The following FAM171A1 variants were observed in gnomAD, a reference collection of about 807,000 sequenced individuals.
FAM171A1 encodes the protein protein FAM171A1.
Under a neutral mutation model 74.9 loss-of-function variants are expected in FAM171A1, and 23 were observed. The observed-to-expected ratio is 0.31, with a 90% CI of 0.22 to 0.44. The LOEUF (loss-of-function observed/expected upper bound fraction) is 0.44. FAM171A1 is among the 20% of genes least tolerant of loss of function. The pLI is 1.00. For synonymous variants in FAM171A1, 527 were observed against 505.7 expected, an observed-to-expected ratio of 1.04 and a Z score of -0.57; for missense variants, 1,162 against 1,159.2, an observed-to-expected ratio of 1.00 and a Z score of -0.03.
At chr10:15,330,253 C>T (rs1346940956) in intron 1 of FAM171A1, among the ~76,000 whole-genome samples, 1 of 152,130 alleles carries the variant, frequency 6.6e-6, no homozygotes, top group Non-Finnish European at 1.5e-5. Context: ...GCAGGAGAAT[C>T]GCCTGAACCC....
chr10:15,354,153 C>A (rs946813656), intron 1 of FAM171A1, among the ~76,000 whole-genome samples: 1 of 152,120 alleles, frequency 6.6e-6, no homozygotes, highest in Non-Finnish European at 1.5e-5. Context: ...CATGCTTGCA[C>A]TCCAGATCCC....
At position 15,214,273 on chromosome 10, in the gene FAM171A1, T is replaced by C. The variant is rs770076811; in HGVS notation, c.1315A>G (p.Lys439Glu). 9 of 1,613,886 alleles carry C rather than the reference T, an allele frequency of 5.6e-6. No homozygotes were observed. Among genetic ancestry groups the C allele is most frequent in the Non-Finnish European group, 6.8e-6 (8 of 1,180,002 alleles). The change falls in exon 8 of 8, where the codon AAA (lysine) becomes GAA (glutamate). Residue 439 changes from lysine to glutamate, a missense_variant. Physicochemically the swap from Lys to Glu is moderately conservative, Grantham distance 56 (BLOSUM62 1). Transcript: ENST00000378116. ...AGGTTATCAAAGGAGATCTGGCTTTTATCCTCTTCCTTGCAAGAGAGGAGC... is the reference window on the plus strand; with the variant it reads ...AGGTTATCAAAGGAGATCTGGCTTTCATCCTCTTCCTTGCAAGAGAGGAGC... The part of the protein sequence containing the change: ...EELLSCKEED[K>E]SQISFDNLTP...
chr10:15,248,647 T>C lies in FAM171A1; in HGVS notation c.746A>G (p.Gln249Arg). 1 of 1,603,502 alleles carries C rather than the reference T, an allele frequency of 6.2e-7. No individual in the cohort carries two copies. The highest frequency in any genetic ancestry group is 8.5e-7 in the Non-Finnish European group (1 of 1,174,868). ...ACAGAACTCTTGCTTACCCAGCTTC[T>C]GGTCAAACCGCCACGCCGCGACATA... ...NAYVAAWRFD[Q>R]KLGTWLKSGL... The change falls in exon 5 of 8, where the codon CAG becomes CGG. Residue 249 changes from glutamine to arginine, a missense_variant. By Grantham distance (43) the Gln-to-Arg change is conservative (BLOSUM62 1). Transcript: ENST00000378116.
At chr10:15,216,708 T>C (rs930534524) in intron 6 of FAM171A1, among the ~76,000 whole-genome samples, 2 of 151,980 alleles carry the variant, frequency 1.3e-5, no homozygotes, top group African/African-American at 4.8e-5. Context: ...GCTGGGATTA[T>C]AGGCATGAGC....
chr10:15,296,914 A>G (rs569829466), intron 1 of FAM171A1, among the ~76,000 whole-genome samples: 1 of 152,076 alleles, frequency 6.6e-6, no homozygotes, highest in African/African-American at 2.4e-5. Flanking sequence ...CTTATGTTAA[A>G]CCTCGTGAAA....
intron 1 of FAM171A1, among the ~76,000 whole-genome samples, chr10:15,326,906 G>A (rs192396112): frequency 6.1e-4 from 93 of 152,272 alleles, no homozygotes; most frequent in African/African-American, 1.9e-3. Flanking sequence ...GGGATTACAG[G>A]CGTGGCCCAC....
chr10:15,283,812 T>C (rs775793854), intron 2 of FAM171A1, 66 bp downstream of exon 2: 1 of 1,522,878 alleles, frequency 6.6e-7, no homozygotes, highest in Non-Finnish European at 9.1e-7. Flanking sequence ...TTCAGACTCC[T>C]GGCCTTATGC....
chr10:15,230,414 G>C (rs1169256970), intron 5 of FAM171A1, among the ~76,000 whole-genome samples: 1 of 152,206 alleles, frequency 6.6e-6, no homozygotes, highest in African/African-American at 2.4e-5. Context: ...CAAAAGTTAT[G>C]TGCAGATGGT....
At chr10:15,324,774 A>G (rs1338451978) in intron 1 of FAM171A1, among the ~76,000 whole-genome samples, 1 of 152,220 alleles carries the variant, frequency 6.6e-6, no homozygotes, top group African/African-American at 2.4e-5. Context: ...CAAAAAAACC[A>G]AACCAACTCC....
At chr10:15,304,584 A>C (rs1037620103) in intron 1 of FAM171A1, among the ~76,000 whole-genome samples, 2 of 152,056 alleles carry the variant, frequency 1.3e-5, no homozygotes, top group African/African-American at 2.4e-5. Flanking sequence ...AAAAACCTCA[A>C]TAAAGGGTCC....
intron 5 of FAM171A1, among the ~76,000 whole-genome samples, chr10:15,229,618 T>C (rs1256446627): frequency 8.7e-6 from 1 of 114,690 alleles, no homozygotes; most frequent in Non-Finnish European, 1.9e-5. Flanking sequence ...ATCATCACCA[T>C]TGTCACCCCC....
In FAM171A1 at chr10:15,255,145, T is replaced by A. The variant is rs563683116; in HGVS notation, c.419-266A>T. Among the ~76,000 whole-genome samples, 98 of 152,352 alleles carry A rather than the reference T, an allele frequency of 6.4e-4. 1 individual carries two copies. The highest frequency in any genetic ancestry group is 1.4e-3 in the South Asian group (7 of 4,832). On this transcript the variant is annotated intron_variant, in intron 3 of 7. Coordinates refer to ENST00000378116, the MANE Select transcript of FAM171A1 (RefSeq NM_001010924.2). ...CAAAAAGCTTTTTCCAAGTTCCATG[T>A]GCAAGCAGTCTTGTCACTGCCCAGC... is the stretch of plus-strand genomic sequence containing the variant.
rs1273234553 is a variant in FAM171A1 at position 15,242,816 on chromosome 10, T to C, written c.754+5823A>G. On this transcript the variant is annotated intron_variant, in intron 5 of 7. Transcript: ENST00000378116. ...AAAAAAAAAAGGAAGCGGAAATAGG[T>C]CAACTTCACAATGAAGATTCCCAAT... Among the ~76,000 whole-genome samples the C allele has an allele frequency of 2.0e-5, 3 of 151,944 alleles. No homozygotes were observed. The East Asian group carries it at 5.8e-4, about 29-fold the overall frequency.
chr10:15,365,780 AG>A (rs1169963609), intron 1 of FAM171A1, among the ~76,000 whole-genome samples: 15 of 136,288 alleles, frequency 1.1e-4, no homozygotes, highest in African/African-American at 4.3e-4. Flanking sequence ...AAAAAAAAAA[AG>A]AGAGAGAAAT....
chr10:15,267,601 C>CAAAAAAAAAA (rs71390026), intron 3 of FAM171A1, among the ~76,000 whole-genome samples: 1 of 53,344 alleles, frequency 1.9e-5, no homozygotes, highest in Non-Finnish European at 3.0e-5. Context: ...GACACCATCG[C>CAAAAAAAAAA]AAAAAAAAAA....
chr10:15,292,821 C>A (rs4472833), intron 1 of FAM171A1, among the ~76,000 whole-genome samples: 1 of 152,132 alleles, frequency 6.6e-6, no homozygotes, highest in Non-Finnish European at 1.5e-5. Context: ...ATAAGGATTT[C>A]TTTTAAACCA....
chr10:15,269,480 G>A (rs549471642), intron 3 of FAM171A1, among the ~76,000 whole-genome samples: 1 of 152,116 alleles, frequency 6.6e-6, no homozygotes, highest in Non-Finnish European at 1.5e-5. Flanking sequence ...CACAAGCATT[G>A]TCAATTCTAA....
At chr10:15,228,009 A>G (rs1371383818) in intron 5 of FAM171A1, among the ~76,000 whole-genome samples, 1 of 152,228 alleles carries the variant, frequency 6.6e-6, no homozygotes, top group African/African-American at 2.4e-5. Flanking sequence ...AAGTATAAAG[A>G]AAAGTGAGTT....
intron 1 of FAM171A1, among the ~76,000 whole-genome samples, chr10:15,313,136 G>A (rs190043154): frequency 2.0e-5 from 3 of 152,284 alleles, no homozygotes; most frequent in Admixed American, 6.5e-5. Context: ...CCAGAGACAC[G>A]TAGAGTCCCA....
Sources: allele counts gnomAD v4.1 joint callset (sites outside exome capture counted in the v4.1 genomes callset), GRCh38; gene constraint gnomAD v4.1.1; transcripts MANE v1.5; gene names NCBI Gene and HGNC (gene_info 2026-07-23, HGNC 2026-07-21).